IPO7: variants seen among roughly 807,000 people sequenced by gnomAD.
IPO7 encodes the protein importin-7.
A neutral mutation model predicts 136.4 loss-of-function variants in IPO7; 13 were observed. That is an observed-to-expected ratio of 0.10 (90% CI 0.06 to 0.15). The LOEUF is 0.15. Ranked by LOEUF, IPO7 falls within the 10% of genes least tolerant of loss-of-function variation. The probability of loss-of-function intolerance (pLI) is 1.00; values close to 1 mark genes in which losing one functional copy is unlikely to be tolerated. For synonymous variants in IPO7, 403 were observed against 404.4 expected (o/e 1.00, Z 0.04); for missense variants, 857 against 1,240.6 (o/e 0.69, Z 4.65).
At chr11:9,409,902 C>G (rs1259211614) in intron 3 of IPO7, 26 bp from the exon 4 acceptor site, 1 of 1,485,366 alleles carries the variant, frequency 6.7e-7, no homozygotes, top group Non-Finnish European at 9.0e-7. Context: ...AGGATTTTTT[C>G]CTTACTGTTT....
At chr11:9,442,954 C>T (rs1434087739) in intron 24 of IPO7, among the ~76,000 whole-genome samples, 5 of 151,752 alleles carry the variant, frequency 3.3e-5, no homozygotes, top group Admixed American at 1.3e-4. Context: ...ACCTAGGAGG[C>T]GGAGGTTGCA....
In IPO7 at chr11:9,403,422, T is replaced by A. The variant is rs539254289; in HGVS notation, c.166+51T>A. 3 of 1,393,194 alleles carry A rather than the reference T, an allele frequency of 2.2e-6. No individual in the cohort carries two copies. In the South Asian group the frequency reaches 3.6e-5, roughly 17 times the overall value. 86.3% of individuals were successfully genotyped at this position (1,393,194 alleles called of 1,614,324 possible). A position where few individuals can be genotyped will look rare whatever the true frequency, so the allele number is the denominator to read the frequency against. ...GTATGTAATCTATTGTTTAAAAGGT[T>A]CATAATCGAATAGCAGAAGTGTCTT... On this transcript the variant is annotated intron_variant, in intron 2 of 24. Coordinates refer to ENST00000379719, the MANE Select transcript of IPO7 (RefSeq NM_006391.3).
chr11:9,408,684 T>C lies in IPO7; in HGVS notation c.320+45T>C, dbSNP rs768244972. 8.5e-6 allele frequency: 11 copies of C among 1,301,410 alleles called. No individual in the cohort carries two copies. The African/African-American group carries it at 1.5e-4, about 18-fold the overall frequency. The allele number at this position is 1,301,410 out of a possible 1,614,324, so 80.6% of individuals were successfully genotyped here. Reference sequence around the variant, plus strand: ...ACCCATTTCTGCAGGTGTGTAACTTTCAGGGTTTTTTGTTTTTTGGTTTTT... The same window carrying C: ...ACCCATTTCTGCAGGTGTGTAACTTCCAGGGTTTTTTGTTTTTTGGTTTTT... On this transcript the variant is annotated intron_variant, in intron 3 of 24. Transcript: ENST00000379719.
At chr11:9,428,843 G>A (rs750508055) in intron 13 of IPO7, 188 bp from the exon 14 acceptor site, 4 of 786,444 alleles carry the variant, frequency 5.1e-6, no homozygotes, top group South Asian at 4.1e-5. Flanking sequence ...TTCAGATCTT[G>A]CTATCCACAC....
chr11:9,395,210 G>C (rs973784903), intron 1 of IPO7, among the ~76,000 whole-genome samples: 1 of 152,046 alleles, frequency 6.6e-6, no homozygotes, highest in Non-Finnish European at 1.5e-5. Flanking sequence ...ATTGAAACTA[G>C]TGATATTTTT....
At chr11:9,431,085 G>A in intron 16 of IPO7, 82 bp downstream of exon 16, 3 of 1,111,740 alleles carry the variant, frequency 2.7e-6, no homozygotes, top group Middle Eastern at 2.0e-4. Context: ...GGCATCTCAT[G>A]TACCATGTTT....
rs139479334 is a variant in IPO7, at chr11:9,424,645, A to G, written c.1142-269A>G. Among the ~76,000 whole-genome samples the G allele has an allele frequency of 2.0e-3, 306 of 152,336 alleles. 2 individuals are homozygous for G. Among genetic ancestry groups the G allele is most frequent in the Middle Eastern group, 6.8e-3 (2 of 294 alleles). On this transcript the variant is annotated intron_variant, in intron 10 of 24. Coordinates refer to ENST00000379719, the MANE Select transcript of IPO7 (RefSeq NM_006391.3). ...TGTAAACCAGCTACTTGGGAGGCTG[A>G]GGCAGGAGAATTGCTTGAACCTGGG...
chr11:9,416,468 C>CA (rs1855043881), intron 5 of IPO7, among the ~76,000 whole-genome samples: 1 of 152,110 alleles, frequency 6.6e-6, no homozygotes, highest in Non-Finnish European at 1.5e-5. Flanking sequence ...GGGAATAGGA[C>CA]AAAATACTTT....
At chr11:9,409,846 A>G in intron 3 of IPO7, 82 bp from the exon 4 acceptor site, 2 of 1,015,974 alleles carry the variant, frequency 2.0e-6, no homozygotes, top group Non-Finnish European at 1.4e-6. Context: ...GATTTTGTCT[A>G]AACAGCTATT....
In IPO7 at chr11:9,414,424, A is replaced by G; in HGVS notation, c.636+13A>G. 1 of 1,547,238 alleles carries G rather than the reference A, an allele frequency of 6.5e-7. No individual in the cohort carries two copies. Among genetic ancestry groups the G allele is most frequent in the Non-Finnish European group, 8.7e-7 (1 of 1,144,754 alleles). ...TGCTCTTGTTCAGGTAATATCTGTGAAGCAGTTTTTATGCATAAAAAGTTA... is the reference window on the plus strand; with the variant it reads ...TGCTCTTGTTCAGGTAATATCTGTGGAGCAGTTTTTATGCATAAAAAGTTA... On this transcript the variant is annotated intron_variant, in intron 5 of 24. Transcript: ENST00000379719.
intron 1 of IPO7, among the ~76,000 whole-genome samples, chr11:9,390,296 T>TG (rs572326504): frequency 2.4e-3 from 318 of 131,444 alleles, no homozygotes; most frequent in East Asian, 3.6e-3. Flanking sequence ...TGTGTGTGTG[T>TG]TTTTTTTTTT....
At chr11:9,397,341 A>AAAAATATATATATATATATATAT in intron 1 of IPO7, among the ~76,000 whole-genome samples, 3 of 10,760 alleles carry the variant, frequency 2.8e-4, no homozygotes, top group Non-Finnish European at 5.5e-4. Context: ...TTTAAAAAAA[A>AAAAATATATATATATATATATAT]ATATATATAT....
chr11:9,394,013 G>T (rs1006594155), intron 1 of IPO7, among the ~76,000 whole-genome samples: 2 of 151,990 alleles, frequency 1.3e-5, no homozygotes, highest in African/African-American at 4.8e-5. Context: ...CTCCCAAGTA[G>T]CTGGGACTAC....
intron 1 of IPO7, among the ~76,000 whole-genome samples, chr11:9,399,706 T>C (rs2133726830): frequency 6.6e-6 from 1 of 152,266 alleles, no homozygotes; most frequent in African/African-American, 2.4e-5. Flanking sequence ...CTAGCATTTA[T>C]AGATTAAACA....
At chr11:9,411,725 CT>C (rs1317577472) in intron 4 of IPO7, among the ~76,000 whole-genome samples, 7 of 152,070 alleles carry the variant, frequency 4.6e-5, no homozygotes, top group African/African-American at 1.7e-4. Flanking sequence ...ACATCACAGC[CT>C]TGTGGTAGTA....
chr11:9,424,648 C>T (rs1231394245), intron 10 of IPO7, among the ~76,000 whole-genome samples: 1 of 152,164 alleles, frequency 6.6e-6, no homozygotes, highest in Non-Finnish European at 1.5e-5. Context: ...GAGGCTGAGG[C>T]AGGAGAATTG....
chr11:9,436,432 A>AT (rs1425550441), intron 20 of IPO7, 66 bp downstream of exon 20: 3 of 1,103,242 alleles, frequency 2.7e-6, no homozygotes, highest in African/African-American at 1.6e-5. Context: ...TTCTTTCTTC[A>AT]TTTTTTGGCA....
chr11:9,419,626 A>T (rs1199002419), intron 6 of IPO7, among the ~76,000 whole-genome samples: 2 of 146,418 alleles, frequency 1.4e-5, no homozygotes, highest in Admixed American at 1.4e-4. Flanking sequence ...TAATGATCCA[A>T]TTCCTTCTTT....
rs1854771549 is a variant in IPO7, at chr11:9,400,100, T to C, written c.85-3190T>C. Among the ~76,000 whole-genome samples the C allele has an allele frequency of 2.6e-5, 4 of 152,244 alleles. No individual in the cohort carries two copies. In the South Asian group the frequency reaches 8.3e-4, roughly 31 times the overall value. The stretch of plus-strand genomic sequence containing the variant: ...AACACTTTAAATCTTTTTAGATTGC[T>C]TTTAATACCTAATACAATGTAAATG... On this transcript the variant is annotated intron_variant, in intron 1 of 24. Transcript: ENST00000379719.
Sources: gnomAD v4.1 joint callset for allele counts (sites outside exome capture counted in the v4.1 genomes callset) on GRCh38, gnomAD v4.1.1 for gene constraint, MANE v1.5 for transcripts, NCBI Gene and HGNC (gene_info 2026-07-23, HGNC 2026-07-21) for gene names.